Variants in IKZF5 observed in about 807,000 individuals in gnomAD.
The protein encoded by IKZF5 is zinc finger protein Pegasus.
IKZF5 carries 4 observed loss-of-function variants against 30.7 expected under a neutral mutation model. The ratio of observed to expected loss-of-function variants is 0.13; its 90% CI spans 0.06 to 0.30. The LOEUF is 0.30. IKZF5 is among the 10% of genes least tolerant of loss of function. IKZF5 has a pLI of 1.00. For synonymous variants in IKZF5, 148 were observed against 179.6 expected (o/e 0.82, Z 1.41); for missense variants, 348 against 525.5 (o/e 0.66, Z 3.30).
At chr10:123,002,907 A>C (rs1849643486) in intron 2 of IKZF5, among the ~76,000 whole-genome samples, 1 of 152,174 alleles carries the variant, frequency 6.6e-6, no homozygotes, top group African/African-American at 2.4e-5. Flanking sequence ...CCTCTGGACA[A>C]GTAGAGTATA....
chr10:123,002,840 T>C (rs1227745855), intron 2 of IKZF5, among the ~76,000 whole-genome samples: 1 of 149,696 alleles, frequency 6.7e-6, no homozygotes, highest in Non-Finnish European at 1.5e-5. Flanking sequence ...CCTTTTCAGG[T>C]AGAAAAGCCT....
chr10:123,005,004 C>T (rs2133424235), intron 2 of IKZF5, among the ~76,000 whole-genome samples: 1 of 152,178 alleles, frequency 6.6e-6, no homozygotes, highest in South Asian at 2.1e-4. Context: ...AATTCTGAAA[C>T]TGGGCTGGAC....
At chr10:123,006,082 C>T (rs1447396327) in intron 2 of IKZF5, among the ~76,000 whole-genome samples, 1 of 151,900 alleles carries the variant, frequency 6.6e-6, no homozygotes, top group Non-Finnish European at 1.5e-5. Context: ...CTAGGGTATA[C>T]CTAAAGTATT....
At position 122,991,920 on chromosome 10, in the gene IKZF5, G is replaced by A. The variant is rs1849175367; in HGVS notation, c.*1860C>T. ...ATGAAAATTTTCATTTTCTATTTTG[G>A]GGTACTGCTTTTATCTGAAGAATAA... On this transcript the variant is annotated 3_prime_UTR_variant, in exon 5 of 5. Transcript: ENST00000368886. 6.6e-6 allele frequency: 1 copy of A among 152,000 alleles called. No homozygotes were observed. The highest frequency in any genetic ancestry group is 6.6e-5 in the Admixed American group (1 of 15,264). 9.4% of individuals were successfully genotyped at this position (152,000 alleles called of 1,614,324 possible).
intron 2 of IKZF5, among the ~76,000 whole-genome samples, chr10:123,006,326 C>T (rs1849779608): frequency 6.6e-6 from 1 of 152,180 alleles, no homozygotes; most frequent in Non-Finnish European, 1.5e-5. Context: ...GATCTTTCTT[C>T]TTCAGTCTCA....
Position 122,994,090 on chromosome 10 carries a change from G to A in IKZF5, c.950C>T (p.Pro317Leu). 1 of 1,614,146 alleles carries A rather than the reference G, an allele frequency of 6.2e-7. No homozygotes were observed. The highest frequency in any genetic ancestry group is 8.5e-7 in the Non-Finnish European group (1 of 1,180,036). Residue 317 changes from proline (P) to leucine (L), a missense_variant, in exon 5 of 5, where the codon CCA becomes CTA. Physicochemically the swap from Pro to Leu is moderately conservative, Grantham distance 98 (BLOSUM62 -3). Around this residue, in one of 4 missense-constraint regions of IKZF5, gnomAD observed 176 missense variants for 198.2 expected, o/e 0.89. Coordinates refer to ENST00000368886, the MANE Select transcript of IKZF5 (RefSeq NM_001372123.1). The surrounding 1 kb of genome is among the most constrained non-coding windows in gnomAD (Gnocchi z 5.6). ...ACTATAGTTCCTTTGACTATGGGATGGCCGAGGTTCTGGGCTTGTGGGAGA... is the reference window on the plus strand; with the variant it reads ...ACTATAGTTCCTTTGACTATGGGATAGCCGAGGTTCTGGGCTTGTGGGAGA... ...SSSPTSPEPR[P>L]SHSQRNYSPV...
Position 122,992,410 on chromosome 10 carries a change from T to C in IKZF5, c.*1370A>G, listed in dbSNP as rs1029852364. On this transcript the variant is annotated 3_prime_UTR_variant, in exon 5 of 5. Transcript: ENST00000368886. ...TTCAACATATGAACAAAATTAAAAA[T>C]AGAATTTTTGCAAAGTACACAGAAA... 2 of 152,178 alleles carry C rather than the reference T, an allele frequency of 1.3e-5. No homozygotes were observed. The highest frequency in any genetic ancestry group is 2.4e-5 in the African/African-American group (1 of 41,466). The allele number at this position is 152,178 out of a possible 1,614,324, so 9.4% of individuals were successfully genotyped here. A position where few individuals can be genotyped will look rare whatever the true frequency, so the allele number is the denominator to read the frequency against.
chr10:122,998,024 C>G (rs1849442805), intron 3 of IKZF5, among the ~76,000 whole-genome samples: 1 of 152,206 alleles, frequency 6.6e-6, no homozygotes, highest in Admixed American at 6.5e-5. Context: ...AAATTTACCT[C>G]TAGCAGGCTC....
Position 123,008,775 on chromosome 10 carries a change from C to G in IKZF5, c.-279G>C. ...CCGCCGTCTTCGTCACCGTCACAGT[C>G]GCCGCCGCCATCTTTGTTGTGTCTC... On this transcript the variant is annotated 5_prime_UTR_variant, in exon 1 of 5. Transcript: ENST00000368886. The G allele has an allele frequency of 1.6e-6, 1 of 611,364 alleles. No homozygotes were observed. Among genetic ancestry groups the G allele is most frequent in the Non-Finnish European group, 2.9e-6 (1 of 342,434 alleles). 37.9% of individuals were successfully genotyped at this position (611,364 alleles called of 1,614,324 possible).
At chr10:123,004,695 CTTCTT>C (rs1181318294) in intron 2 of IKZF5, among the ~76,000 whole-genome samples, 2 of 151,114 alleles carry the variant, frequency 1.3e-5, no homozygotes, top group East Asian at 3.9e-4. Flanking sequence ...AAGAAAAACT[CTTCTT>C]AAATTAGAAT....
intron 2 of IKZF5, among the ~76,000 whole-genome samples, chr10:122,999,845 AG>A (rs1182156173): frequency 6.6e-6 from 1 of 152,266 alleles, no homozygotes; most frequent in African/African-American, 2.4e-5. Context: ...TTTTCTAGTA[AG>A]AATAAGATGA....
At chr10:123,000,554 C>T (rs1351004017) in intron 2 of IKZF5, among the ~76,000 whole-genome samples, 3 of 152,086 alleles carry the variant, frequency 2.0e-5, no homozygotes, top group Admixed American at 6.5e-5. Context: ...TTTTTGATTA[C>T]GTACATATTT....
chr10:123,004,541 G>A lies in IKZF5; in HGVS notation c.-47+2485C>T, dbSNP rs538075519. ...TGGCTGGCATATTTTGACAGTCTTG[G>A]CTATTATCACATTGTCACATTATAA... On this transcript the variant is annotated intron_variant, in intron 2 of 4. Transcript: ENST00000368886. 3.3e-5 allele frequency among the ~76,000 whole-genome samples: 5 copies of A among 151,664 alleles called. No individual in the cohort carries two copies. The South Asian group carries it at 1.0e-3, about 32-fold the overall frequency.
chr10:122,993,578 A>G lies in IKZF5; in HGVS notation c.*202T>C. On this transcript the variant is annotated 3_prime_UTR_variant, in exon 5 of 5. Coordinates refer to ENST00000368886, the MANE Select transcript of IKZF5 (RefSeq NM_001372123.1). ...GGAAAAAAGAGACACCAATGTGTCT[A>G]ACTGTTCTAATATATAAATGACCCT... is the stretch of plus-strand genomic sequence containing the variant. The G allele has an allele frequency of 4.8e-6, 2 of 417,774 alleles. No individual in the cohort carries two copies. The highest frequency in any genetic ancestry group is 8.4e-6 in the Non-Finnish European group (2 of 237,140). The allele number at this position is 417,774 out of a possible 1,614,324, so 25.9% of individuals were successfully genotyped here.
intron 3 of IKZF5, 104 bp downstream of exon 3, chr10:122,998,387 CAG>C: frequency 1.1e-6 from 1 of 945,592 alleles, no homozygotes; most frequent in East Asian, 2.6e-5. Context: ...CTAGAAAAAA[CAG>C]AATGATTCAC....
At position 122,992,651 on chromosome 10, in the gene IKZF5, T is replaced by A. The variant is rs1589713291; in HGVS notation, c.*1129A>T. The A allele has an allele frequency of 5.3e-5, 8 of 152,354 alleles. No individual in the cohort carries two copies. Among genetic ancestry groups the A allele is most frequent in the Admixed American group, 5.2e-4 (8 of 15,310 alleles). 9.4% of individuals were successfully genotyped at this position (152,354 alleles called of 1,614,324 possible). A position where few individuals can be genotyped will look rare whatever the true frequency, so the allele number is the denominator to read the frequency against. On this transcript the variant is annotated 3_prime_UTR_variant, in exon 5 of 5. Transcript: ENST00000368886. ...TATCCTTTCTTACTAAAGCGATGAT[T>A]TAGTTTCTACACAGTTTCGTCACTG...
In IKZF5 at chr10:122,993,712, CAAAACAA is replaced by C. The variant is rs1849248598; in HGVS notation, c.*61_*67del. ...TAGCAGACACTTTATTAGGGATGAC[CAAAACAA>C]AAAACAAAAAAAACCAAACCACAAA... On this transcript the variant is annotated 3_prime_UTR_variant, in exon 5 of 5. Coordinates refer to ENST00000368886, the MANE Select transcript of IKZF5 (RefSeq NM_001372123.1). 2.7e-6 allele frequency: 3 copies of C among 1,099,956 alleles called. No individual in the cohort carries two copies. The African/African-American group carries it at 4.7e-5, about 17-fold the overall frequency. The allele number at this position is 1,099,956 out of a possible 1,614,324, so 68.1% of individuals were successfully genotyped here.
chr10:123,006,312 G>C (rs1000872216), intron 2 of IKZF5, among the ~76,000 whole-genome samples: 1 of 152,110 alleles, frequency 6.6e-6, no homozygotes, highest in Non-Finnish European at 1.5e-5. Flanking sequence ...GTATGAAGTC[G>C]TCTGATCTTT....
intron 2 of IKZF5, among the ~76,000 whole-genome samples, chr10:122,999,657 A>G (rs1016612798): frequency 6.6e-6 from 1 of 152,214 alleles, no homozygotes; most frequent in Non-Finnish European, 1.5e-5. Context: ...GAAATATCCA[A>G]ATCACCACCT....
Sources: allele counts gnomAD v4.1 joint callset (sites outside exome capture counted in the v4.1 genomes callset), GRCh38; gene constraint gnomAD v4.1.1; regional missense constraint gnomAD v4.1.1; non-coding constraint Gnocchi (gnomAD v3.1); transcripts MANE v1.5; gene names NCBI Gene and HGNC (gene_info 2026-07-23, HGNC 2026-07-21).